The following JPT2 variants were observed in gnomAD, a reference collection of about 807,000 sequenced individuals.
The protein encoded by JPT2 is CRAMP_1 like.
In JPT2, 9 loss-of-function variants were observed where a neutral mutation model predicts 15.9. The observed-to-expected ratio is 0.57, with a 90% CI of 0.34 to 0.99. JPT2 has a LOEUF of 0.99. JPT2 is among the 50% of genes least tolerant of loss of function. The pLI is 0.02. For synonymous variants in JPT2, 95 were observed against 91.7 expected (o/e 1.04, Z -0.21); for missense variants, 267 against 252.1 (o/e 1.06, Z -0.40).
chr16:1,680,491 A>G (rs1289777234), intron 1 of JPT2: 4 of 1,251,704 alleles, frequency 3.2e-6, no homozygotes, highest in Non-Finnish European at 4.1e-6. Flanking sequence ...TCTGAACTGG[A>G]TGATGAGGTA....
At chr16:1,687,226 A>G (rs1448664259) in intron 2 of JPT2, among the ~76,000 whole-genome samples, 1 of 152,174 alleles carries the variant, frequency 6.6e-6, no homozygotes, top group African/African-American at 2.4e-5. Context: ...GGCTCAAGCC[A>G]TCTGCCCACC....
intron 1 of JPT2, among the ~76,000 whole-genome samples, chr16:1,681,244 C>T (rs1454779188): frequency 1.3e-5 from 2 of 152,124 alleles, no homozygotes; most frequent in African/African-American, 4.8e-5. Flanking sequence ...TCCATTCATC[C>T]GAGACCCCTT....
Position 1,685,562 on chromosome 16 carries a change from C to T in JPT2, c.168C>T (p.Asn56=), listed in dbSNP as rs1339476593. 1.2e-6 allele frequency: 2 copies of T among 1,614,200 alleles called. No homozygotes were observed. Among genetic ancestry groups the T allele is most frequent in the Non-Finnish European group, 8.5e-7 (1 of 1,180,036 alleles). Residue 56 remains asparagine, a synonymous_variant, in exon 2 of 5, where the codon AAC becomes AAT. Coordinates refer to ENST00000248098, the MANE Select transcript of JPT2 (RefSeq NM_144570.3). ...NIFGPTEEPQ[N]IPKRTNPPGG... ...TTGGACCAACAGAAGAACCTCAGAA[C>T]ATACCCAAGAGGACAAATCCCCCAG...
intron 2 of JPT2, among the ~76,000 whole-genome samples, chr16:1,691,157 C>T (rs1376286045): frequency 6.6e-6 from 1 of 152,230 alleles, no homozygotes; most frequent in Non-Finnish European, 1.5e-5. Flanking sequence ...GTTGGTCCCA[C>T]AGGGTAGCCA....
intron 3 of JPT2, among the ~76,000 whole-genome samples, chr16:1,696,299 G>T (rs1221954357): frequency 6.6e-6 from 1 of 152,112 alleles, no homozygotes; most frequent in Non-Finnish European, 1.5e-5. Context: ...AATTTGGGAG[G>T]CTGAGGCAGG....
In JPT2 at chr16:1,699,288, G is replaced by T. The variant is rs2037165560; in HGVS notation, c.*290G>T. On this transcript the variant is annotated 3_prime_UTR_variant, in exon 5 of 5. Transcript: ENST00000248098. Reference sequence around the variant, plus strand: ...GGTGAGGGTGGGGAGGTGGGGCAGGGCATGGTCCTTGGATCAACAGCCCGC... The same window carrying T: ...GGTGAGGGTGGGGAGGTGGGGCAGGTCATGGTCCTTGGATCAACAGCCCGC... 1 of 592,556 alleles carries T rather than the reference G, an allele frequency of 1.7e-6. No homozygotes were observed. The highest frequency in any genetic ancestry group is 3.2e-6 in the Non-Finnish European group (1 of 315,174). 36.7% of individuals were successfully genotyped at this position (592,556 alleles called of 1,614,324 possible). A position where few individuals can be genotyped will look rare whatever the true frequency, so the allele number is the denominator to read the frequency against.
chr16:1,679,330 A>G (rs2037001887), intron 1 of JPT2, among the ~76,000 whole-genome samples: 1 of 152,228 alleles, frequency 6.6e-6, no homozygotes, highest in South Asian at 2.1e-4. Flanking sequence ...TTTGGCTATG[A>G]TCAAGTGAAG....
intron 1 of JPT2, among the ~76,000 whole-genome samples, chr16:1,682,500 C>T (rs2037031264): frequency 6.6e-6 from 1 of 152,014 alleles, no homozygotes; most frequent in Non-Finnish European, 1.5e-5. Flanking sequence ...GGTGAAACCC[C>T]GTCTCTACTA....
At chr16:1,691,403 C>A (rs1267278880) in intron 2 of JPT2, among the ~76,000 whole-genome samples, 1 of 152,110 alleles carries the variant, frequency 6.6e-6, no homozygotes, top group African/African-American at 2.4e-5. Context: ...GGCAGGTTTC[C>A]CTTGAATAGG....
intron 3 of JPT2, among the ~76,000 whole-genome samples, chr16:1,692,867 T>A (rs553448819): frequency 2.6e-5 from 4 of 152,374 alleles, no homozygotes; most frequent in African/African-American, 7.2e-5. Context: ...AGAAAACTGC[T>A]GCATGTTTAT....
rs1162840248 is a variant in JPT2 at position 1,700,424 on chromosome 16, G to A, written c.*1426G>A. Reference sequence around the variant, plus strand: ...TGGCGGCAGCAGCTTTGCTCTGAGTGCCTACAAAGCTAATGCTTGGTGCTA... The same window carrying A: ...TGGCGGCAGCAGCTTTGCTCTGAGTACCTACAAAGCTAATGCTTGGTGCTA... On this transcript the variant is annotated 3_prime_UTR_variant, in exon 5 of 5. Transcript: ENST00000248098. The A allele has an allele frequency of 3.9e-6, 1 of 253,922 alleles. No individual in the cohort carries two copies. The highest frequency in any genetic ancestry group is 8.4e-6 in the Non-Finnish European group (1 of 118,692). The allele number at this position is 253,922 out of a possible 1,614,324, so 15.7% of individuals were successfully genotyped here.
intron 1 of JPT2, chr16:1,680,555 C>G: frequency 2.6e-6 from 3 of 1,144,944 alleles, no homozygotes; most frequent in African/African-American, 1.6e-5. Flanking sequence ...TGCCACTCAT[C>G]TGAACGGGGT....
rs1282668097 is a variant in JPT2, at chr16:1,699,805, C to G, written c.*807C>G. 4.0e-6 allele frequency: 1 copy of G among 251,772 alleles called. No homozygotes were observed. The highest frequency in any genetic ancestry group is 8.1e-6 in the Non-Finnish European group (1 of 123,218). 15.6% of individuals were successfully genotyped at this position (251,772 alleles called of 1,614,324 possible). On this transcript the variant is annotated 3_prime_UTR_variant, in exon 5 of 5. Coordinates refer to ENST00000248098, the MANE Select transcript of JPT2 (RefSeq NM_144570.3). ...TGTTCTCCAGTGATGTAGACAGTTC[C>G]CTTCACAAGTCACAGTTCTTCCCAT...
At position 1,701,239 on chromosome 16, in the gene JPT2, G is replaced by A. The variant is rs2037178309; in HGVS notation, c.*2241G>A. The A allele has an allele frequency of 2.6e-5, 4 of 152,602 alleles. No homozygotes were observed. The highest frequency in any genetic ancestry group is 6.5e-5 in the Admixed American group (1 of 15,280). The allele number at this position is 152,602 out of a possible 1,614,324, so 9.5% of individuals were successfully genotyped here. A position where few individuals can be genotyped will look rare whatever the true frequency, so the allele number is the denominator to read the frequency against. On this transcript the variant is annotated 3_prime_UTR_variant, in exon 5 of 5. Coordinates refer to ENST00000248098, the MANE Select transcript of JPT2 (RefSeq NM_144570.3). Reference sequence around the variant, plus strand: ...TCTAAGCTGCATTGAGAAATGACTCGTCTCTGTATTTGTATTAAGCCTTAA... The same window carrying A: ...TCTAAGCTGCATTGAGAAATGACTCATCTCTGTATTTGTATTAAGCCTTAA...
chr16:1,696,219 A>C (rs992087694), intron 3 of JPT2, among the ~76,000 whole-genome samples: 1 of 146,324 alleles, frequency 6.8e-6, no homozygotes, highest in Admixed American at 6.8e-5. Flanking sequence ...ACAGAATGAG[A>C]CTCTGTCTCA....
rs1021563039 is a variant in JPT2 at position 1,685,977 on chromosome 16, G to A, written c.193+390G>A. 6.6e-5 allele frequency: 12 copies of A among 181,290 alleles called. No individual in the cohort carries two copies. In the South Asian group the frequency reaches 8.6e-4, roughly 13 times the overall value. The allele number at this position is 181,290 out of a possible 1,614,324, so 11.2% of individuals were successfully genotyped here. On this transcript the variant is annotated intron_variant, in intron 2 of 4. Transcript: ENST00000248098. ...GTGTTTTTATTCAGATCGTCAGTGG[G>A]ATTGAAACTCTTAACAAGGAAGAAT...
At chr16:1,683,467 A>G in intron 1 of JPT2, 1 of 1,284,384 alleles carries the variant, frequency 7.8e-7, no homozygotes, top group Non-Finnish European at 1.1e-6. Flanking sequence ...ATTTTTCTTA[A>G]GTGCACCTGT....
At chr16:1,685,884 C>T in intron 2 of JPT2, 1 of 266,172 alleles carries the variant, frequency 3.8e-6, no homozygotes, top group African/African-American at 2.2e-5. Context: ...GTTCCACGGA[C>T]CCCCATGAGA....
intron 2 of JPT2, 74 bp from the exon 3 acceptor site, chr16:1,691,769 A>G: frequency 2.0e-6 from 3 of 1,497,840 alleles, no homozygotes; most frequent in Non-Finnish European, 2.7e-6. Context: ...AGGTCTCCAA[A>G]GCACTGCGGG....
Sources: allele counts gnomAD v4.1 joint callset (sites outside exome capture counted in the v4.1 genomes callset), GRCh38; gene constraint gnomAD v4.1.1; transcripts MANE v1.5; gene names NCBI Gene and HGNC (gene_info 2026-07-23, HGNC 2026-07-21).